The following ARAP1 variants were observed in gnomAD, a reference collection of about 807,000 sequenced individuals.
ARAP1 encodes ArfGAP with RhoGAP domain, ankyrin repeat and PH domain 1.
In ARAP1, 76 loss-of-function variants were observed where a neutral mutation model predicts 172.2. The observed-to-expected ratio is 0.44, with a 90% CI of 0.37 to 0.53. The LOEUF (loss-of-function observed/expected upper bound fraction) is 0.53, where lower values mean the gene tolerates loss of function less well. Ranked by LOEUF, ARAP1 falls within the 20% of genes least tolerant of loss-of-function variation. The pLI is 0.00. For synonymous variants in ARAP1, 804 were observed against 803.3 expected (o/e 1.00, Z -0.01); for missense variants, 1,686 against 1,977.5 (o/e 0.85, Z 2.80).
chr11:72,707,499 T>TG, intron 11 of ARAP1, 125 bp from the exon 12 acceptor site: 14 of 818,496 alleles, frequency 1.7e-5, no homozygotes, highest in Non-Finnish European at 2.6e-5. Context: ...GAGTGAGGCA[T>TG]CCCACTCTGG....
intron 7 of ARAP1, among the ~76,000 whole-genome samples, chr11:72,711,712 T>TTTTTG (rs985181860): frequency 6.6e-6 from 1 of 150,732 alleles, no homozygotes; most frequent in Admixed American, 6.6e-5. Flanking sequence ...TTTTTTTTTT[T>TTTTTG]TGAGACAGGG....
chr11:72,752,368 G>C lies in ARAP1; in HGVS notation c.-168C>G, dbSNP rs1011645933. On this transcript the variant is annotated 5_prime_UTR_variant, in exon 1 of 35. Transcript: ENST00000393609. ...ACTCCACGCGGGGACCAGGCGTACCGGCGCCGCCACCGACTTACACCGCCA... is the reference window on the plus strand; with the variant it reads ...ACTCCACGCGGGGACCAGGCGTACCCGCGCCGCCACCGACTTACACCGCCA... The C allele has an allele frequency of 6.6e-6, 1 of 152,352 alleles. No individual in the cohort carries two copies. The highest frequency in any genetic ancestry group is 2.4e-5 in the African/African-American group (1 of 41,448). The allele number at this position is 152,352 out of a possible 1,614,324, so 9.4% of individuals were successfully genotyped here. A position where few individuals can be genotyped will look rare whatever the true frequency, so the allele number is the denominator to read the frequency against.
At position 72,704,214 on chromosome 11, in the gene ARAP1, A is replaced by C. The variant is rs750867010; in HGVS notation, c.1930T>G (p.Tyr644Asp). The C allele has an allele frequency of 6.2e-7, 1 of 1,613,930 alleles. No individual in the cohort carries two copies. Among genetic ancestry groups the C allele is most frequent in the Admixed American group, 1.7e-5 (1 of 60,024 alleles). ...TAGCGGCGGTACTTGCCCTCACGGT[A>C]CTTGGCCTCCAGGTGGCACCGCCGG... Reference protein sequence around the residue: ...STRRCHLEAKYREGKYRRYHP... With the variant: ...STRRCHLEAKDREGKYRRYHP... Residue 644 changes from tyrosine (Y) to aspartate (D), a missense_variant, in exon 14 of 35, where the codon TAC becomes GAC. By Grantham distance (160) the Tyr-to-Asp change is radical. Transcript: ENST00000393609.
Position 72,695,160 on chromosome 11 carries a change from C to A in ARAP1, c.3577-63G>T. On this transcript the variant is annotated intron_variant, in intron 26 of 34. Transcript: ENST00000393609. This position sits in a 1 kb window ranked among gnomAD's most constrained non-coding sequence, Gnocchi z 4.4. ...TAGCCCCTGCTCTGCCACAACCTTG[C>A]TATGTGACTCAGAGCCTGAGCCCAT... The A allele has an allele frequency of 6.5e-7, 1 of 1,545,488 alleles. No homozygotes were observed. Among genetic ancestry groups the A allele is most frequent in the Non-Finnish European group, 8.9e-7 (1 of 1,124,036 alleles).
chr11:72,688,732 C>T, intron 30 of ARAP1, 195 bp from the exon 31 acceptor site: 1 of 565,948 alleles, frequency 1.8e-6, no homozygotes, highest in Non-Finnish European at 3.2e-6. Flanking sequence ...CAGCCCTAGG[C>T]CCCCAAGGCC....
At position 72,698,874 on chromosome 11, in the gene ARAP1, G is replaced by A. The variant is rs147187573; in HGVS notation, c.2541+131C>T. ...AGTAGGCTCTTGGTGGGACAGGCCC[G>A]CTCCATGTCTGCTGCCCTGCATCTA... On this transcript the variant is annotated intron_variant, in intron 18 of 34. Coordinates refer to ENST00000393609, the MANE Select transcript of ARAP1 (RefSeq NM_001040118.3). 5.8e-4 allele frequency: 564 copies of A among 964,300 alleles called. 1 individual carries two copies. Among genetic ancestry groups the A allele is most frequent in the African/African-American group, 2.3e-3 (145 of 62,660 alleles). 59.7% of individuals were successfully genotyped at this position (964,300 alleles called of 1,614,324 possible).
In ARAP1 at chr11:72,726,700, C is replaced by T. The variant is rs780783884; in HGVS notation, c.429G>A (p.Pro143=). 66 of 1,299,198 alleles carry T rather than the reference C, an allele frequency of 5.1e-5. 2 individuals are homozygous for T. The Admixed American group carries it at 1.3e-3, about 26-fold the overall frequency. The allele number at this position is 1,299,198 out of a possible 1,614,324, so 80.5% of individuals were successfully genotyped here. A position where few individuals can be genotyped will look rare whatever the true frequency, so the allele number is the denominator to read the frequency against. ...CTGCCAAATGCCGCTTAGCAGGCAG[C>T]GGGGGCAGCACAGGGTCTGGGGCAG... ...STAAPDPVLP[P]LPAKRHLAEL... Residue 143 remains proline (P), a synonymous_variant, in exon 3 of 35, where the codon CCG becomes CCA. Coordinates refer to ENST00000393609, the MANE Select transcript of ARAP1 (RefSeq NM_001040118.3). This position sits in a 1 kb window ranked among gnomAD's most constrained non-coding sequence, Gnocchi z 6.5.
intron 2 of ARAP1, among the ~76,000 whole-genome samples, chr11:72,731,018 CTG>C (rs1857850428): frequency 1.3e-5 from 2 of 152,144 alleles, no homozygotes; most frequent in South Asian, 2.1e-4. Context: ...CATTCTCTCT[CTG>C]TGAAAAAAAC....
At chr11:72,748,105 T>C (rs184475422) in intron 1 of ARAP1, among the ~76,000 whole-genome samples, 1 of 152,358 alleles carries the variant, frequency 6.6e-6, no homozygotes, top group East Asian at 1.9e-4. Flanking sequence ...GAATGGTGCC[T>C]ACCTCAGAAG....
At chr11:72,709,671 AG>A (rs754536805) in intron 11 of ARAP1, among the ~76,000 whole-genome samples, 198 bp downstream of exon 11, 7 of 151,916 alleles carry the variant, frequency 4.6e-5, no homozygotes, top group Non-Finnish European at 7.4e-5. Flanking sequence ...CAAGCAGCAC[AG>A]GGGAGAGTAA....
chr11:72,710,948 C>T lies in ARAP1; in HGVS notation c.1213+73G>A. The T allele has an allele frequency of 6.2e-7, 1 of 1,600,984 alleles. No individual in the cohort carries two copies. Among genetic ancestry groups the T allele is most frequent in the East Asian group, 2.2e-5 (1 of 44,678 alleles). ...GGGCAGATGCACCATGACTCTCTTC[C>T]CCCTCCTCTGCCCAAACTTCCAGTC... On this transcript the variant is annotated intron_variant, in intron 9 of 34. Transcript: ENST00000393609. This position sits in a 1 kb window ranked among gnomAD's most constrained non-coding sequence, Gnocchi z 4.3.
intron 11 of ARAP1, among the ~76,000 whole-genome samples, chr11:72,708,973 G>A (rs1211128288): frequency 6.6e-6 from 1 of 150,810 alleles, no homozygotes; most frequent in Non-Finnish European, 1.5e-5. Context: ...GGAGGCAGAG[G>A]TTGCAGTGAG....
intron 1 of ARAP1, among the ~76,000 whole-genome samples, chr11:72,750,639 T>C (rs1432431042): frequency 6.6e-6 from 1 of 152,152 alleles, no homozygotes; most frequent in African/African-American, 2.4e-5. Context: ...CCGTCTCTCT[T>C]TGGGGCATGA....
At position 72,725,548 on chromosome 11, in the gene ARAP1, A is replaced by G. The variant is rs1400379556; in HGVS notation, c.509+1072T>C. On this transcript the variant is annotated intron_variant, in intron 3 of 34. Transcript: ENST00000393609. The surrounding 1 kb of genome is among the most constrained non-coding windows in gnomAD (Gnocchi z 4.3). The stretch of plus-strand genomic sequence containing the variant: ...TCAACCCTCAAAACACCACAGCACT[A>G]GCTTGGTCTTCAAGGCCCCCTGACT... Among the ~76,000 whole-genome samples the G allele has an allele frequency of 6.6e-6, 1 of 152,038 alleles. No individual in the cohort carries two copies. Among genetic ancestry groups the G allele is most frequent in the Admixed American group, 6.5e-5 (1 of 15,272 alleles).
Position 72,699,619 on chromosome 11 carries a change from C to T in ARAP1, c.2303-67G>A. On this transcript the variant is annotated intron_variant, in intron 16 of 34. Transcript: ENST00000393609. This position sits in a 1 kb window ranked among gnomAD's most constrained non-coding sequence, Gnocchi z 4.2. The stretch of plus-strand genomic sequence containing the variant: ...ACCACCTGAAAACCACCTCTGCATC[C>T]TCCCGGGGCTCCTGCTCCCATCTGA... 1.9e-6 allele frequency: 3 copies of T among 1,547,262 alleles called. No homozygotes were observed. The highest frequency in any genetic ancestry group is 1.2e-5 in the South Asian group (1 of 83,860).
intron 1 of ARAP1, among the ~76,000 whole-genome samples, chr11:72,736,423 T>C (rs2135584150): frequency 6.6e-6 from 1 of 152,110 alleles, no homozygotes; most frequent in Admixed American, 6.5e-5. Context: ...CTGAGCTTTT[T>C]GGTACCCCCT....
chr11:72,692,655 GA>G (rs1855988118), intron 30 of ARAP1, 97 bp downstream of exon 30: 2 of 1,507,774 alleles, frequency 1.3e-6, no homozygotes, highest in South Asian at 2.3e-5. Flanking sequence ...CATGCCTGGA[GA>G]TGGCCAGGAG....
chr11:72,691,909 T>C (rs1855948488), intron 30 of ARAP1, among the ~76,000 whole-genome samples: 1 of 152,136 alleles, frequency 6.6e-6, no homozygotes, highest in Non-Finnish European at 1.5e-5. Context: ...CAGATTCTCA[T>C]AAGAAGCGCA....
At position 72,695,640 on chromosome 11, in the gene ARAP1, C is replaced by T. The variant is rs773764618; in HGVS notation, c.3421-12G>A. 1.2e-5 allele frequency: 20 copies of T among 1,613,868 alleles called. No homozygotes were observed. The highest frequency in any genetic ancestry group is 5.0e-5 in the Admixed American group (3 of 59,990). On this transcript the variant is annotated splice_polypyrimidine_tract_variant and intron_variant, in intron 24 of 34. Transcript: ENST00000393609. This position sits in a 1 kb window ranked among gnomAD's most constrained non-coding sequence, Gnocchi z 4.4. The stretch of plus-strand genomic sequence containing the variant: ...TCTTCCTCATCCACCTGGGAAGGGG[C>T]GAGAGGCAGGGACAGGTGGTCACCG...
Sources: gnomAD v4.1 joint callset for allele counts (sites outside exome capture counted in the v4.1 genomes callset) on GRCh38, gnomAD v4.1.1 for gene constraint, Gnocchi (gnomAD v3.1) non-coding constraint, MANE v1.5 for transcripts, NCBI Gene and HGNC (gene_info 2026-07-23, HGNC 2026-07-21) for gene names.